SLC7A5: variants seen among roughly 807,000 people sequenced by gnomAD.
SLC7A5 encodes solute carrier family 7 member 5.
Under a neutral mutation model 50.2 loss-of-function variants are expected in SLC7A5, and 23 were observed. That is an observed-to-expected ratio of 0.46 (90% CI 0.33 to 0.65). The LOEUF (loss-of-function observed/expected upper bound fraction) is 0.65, where lower values mean the gene tolerates loss of function less well. SLC7A5 is among the 30% of genes least tolerant of loss of function. SLC7A5 has a pLI of 0.02. For synonymous variants in SLC7A5, 393 were observed against 330.6 expected, an observed-to-expected ratio of 1.19 and a Z score of -2.05; for missense variants, 578 against 684.4, an observed-to-expected ratio of 0.84 and a Z score of 1.73.
At chr16:87,848,473 C>A (rs555003003) in intron 2 of SLC7A5, among the ~76,000 whole-genome samples, 1 of 152,326 alleles carries the variant, frequency 6.6e-6, no homozygotes, top group East Asian at 1.9e-4. Context: ...CAGATCTGAA[C>A]CCTCATGAGT....
At chr16:87,864,511 C>A (rs1157066319) in intron 1 of SLC7A5, among the ~76,000 whole-genome samples, 2 of 152,164 alleles carry the variant, frequency 1.3e-5, no homozygotes, top group Non-Finnish European at 2.9e-5. Flanking sequence ...ATCCACTGCC[C>A]TTCTCCGAGC....
Position 87,852,270 on chromosome 16 carries a change from C to T in SLC7A5, c.539-421G>A, listed in dbSNP as rs985513381. 2.6e-5 allele frequency among the ~76,000 whole-genome samples: 4 copies of T among 152,190 alleles called. No homozygotes were observed. Among genetic ancestry groups the T allele is most frequent in the Admixed American group, 6.5e-5 (1 of 15,284 alleles). On this transcript the variant is annotated intron_variant, in intron 1 of 9. Transcript: ENST00000261622. This position sits in a 1 kb window ranked among gnomAD's most constrained non-coding sequence, Gnocchi z 4.5. Reference sequence around the variant, plus strand: ...CACCCTGACCTGACTGTGAGACCCACGCACAGCCCGACTGCCGGACTCCAT... The same window carrying T: ...CACCCTGACCTGACTGTGAGACCCATGCACAGCCCGACTGCCGGACTCCAT...
chr16:87,836,943 C>T, intron 7 of SLC7A5: 1 of 463,596 alleles, frequency 2.2e-6, no homozygotes, highest in Non-Finnish European at 4.0e-6. Flanking sequence ...AGGTGAAGAA[C>T]ACAGTGTACA....
In SLC7A5 at chr16:87,860,335, A is replaced by T. The variant is rs1458123552; in HGVS notation, c.539-8486T>A. On this transcript the variant is annotated intron_variant, in intron 1 of 9. Coordinates refer to ENST00000261622, the MANE Select transcript of SLC7A5 (RefSeq NM_003486.7). The surrounding 1 kb of genome is among the most constrained non-coding windows in gnomAD (Gnocchi z 4.8). ...GTAACAAAAGCATCTCAAAAAAAAA[A>T]AAAAATACACACACACACACACACA... 7.6e-3 allele frequency among the ~76,000 whole-genome samples: 788 copies of T among 103,110 alleles called. 12 individuals carry two copies. Among genetic ancestry groups the T allele is most frequent in the Admixed American group, 0.011 (110 of 9,834 alleles). The allele number at this position is 103,110 out of a possible 152,430, so 67.6% of individuals were successfully genotyped here. A position where few individuals can be genotyped will look rare whatever the true frequency, so the allele number is the denominator to read the frequency against.
At chr16:87,856,851 G>A (rs1421243457) in intron 1 of SLC7A5, among the ~76,000 whole-genome samples, 2 of 152,166 alleles carry the variant, frequency 1.3e-5, no homozygotes, top group Non-Finnish European at 2.9e-5. Context: ...GCAGTGGTGG[G>A]GGAGGCGGAT....
chr16:87,867,568 C>T (rs2055479142), intron 1 of SLC7A5, among the ~76,000 whole-genome samples: 2 of 152,144 alleles, frequency 1.3e-5, no homozygotes, highest in South Asian at 4.1e-4. Context: ...CCCCCTCCCC[C>T]CCAAAGTACG....
chr16:87,843,894 C>G (rs1216456959), intron 2 of SLC7A5, among the ~76,000 whole-genome samples: 1 of 152,202 alleles, frequency 6.6e-6, no homozygotes, highest in Non-Finnish European at 1.5e-5. Context: ...CAGCTCCTCT[C>G]AGCTTTCTCT....
chr16:87,835,754 G>T (rs748096331), intron 8 of SLC7A5, among the ~76,000 whole-genome samples: 3 of 152,216 alleles, frequency 2.0e-5, no homozygotes, highest in Non-Finnish European at 4.4e-5. Context: ...GATTACAGGC[G>T]TGAGCCACCG....
intron 2 of SLC7A5, among the ~76,000 whole-genome samples, chr16:87,851,422 A>T (rs561343669): frequency 6.6e-6 from 1 of 152,312 alleles, no homozygotes; most frequent in East Asian, 1.9e-4. Context: ...CATCGCCCCC[A>T]GGTGAGGTTA....
chr16:87,852,634 G>A lies in SLC7A5; in HGVS notation c.539-785C>T, dbSNP rs2055246475. 6.9e-6 allele frequency among the ~76,000 whole-genome samples: 1 copy of A among 145,268 alleles called. No homozygotes were observed. The highest frequency in any genetic ancestry group is 2.6e-5 in the African/African-American group (1 of 37,852). ...GGCCCTGTAAGGCACCCAGCTCTGAGCCTCTGTGTGTGTGTGTGTGTGTGT... is the reference window on the plus strand; with the variant it reads ...GGCCCTGTAAGGCACCCAGCTCTGAACCTCTGTGTGTGTGTGTGTGTGTGT... On this transcript the variant is annotated intron_variant, in intron 1 of 9. Transcript: ENST00000261622. The surrounding 1 kb of genome is among the most constrained non-coding windows in gnomAD (Gnocchi z 4.5).
At chr16:87,866,497 G>A (rs1411713063) in intron 1 of SLC7A5, among the ~76,000 whole-genome samples, 2 of 151,854 alleles carry the variant, frequency 1.3e-5, no homozygotes, top group South Asian at 2.1e-4. Context: ...ATGGAGTTTC[G>A]CCTTGTTGCC....
Position 87,857,502 on chromosome 16 carries a change from C to G in SLC7A5, c.539-5653G>C, listed in dbSNP as rs184660249. Among the ~76,000 whole-genome samples the G allele has an allele frequency of 1.6e-3, 242 of 152,362 alleles. 1 individual carries two copies. Among genetic ancestry groups the G allele is most frequent in the East Asian group, 5.8e-4 (3 of 5,190 alleles). Reference sequence around the variant, plus strand: ...TTCACCATGTTGGCCGGGCTGGTCTCGAACTCCTGACCTCAGGCGATCCGC... The same window carrying G: ...TTCACCATGTTGGCCGGGCTGGTCTGGAACTCCTGACCTCAGGCGATCCGC... On this transcript the variant is annotated intron_variant, in intron 1 of 9. Transcript: ENST00000261622.
chr16:87,840,039 G>A (rs189766470), intron 4 of SLC7A5, among the ~76,000 whole-genome samples: 8 of 152,348 alleles, frequency 5.3e-5, no homozygotes, highest in Non-Finnish European at 1.2e-4. Flanking sequence ...TGCCTTGGCC[G>A]CGGCCTCAGC....
chr16:87,840,257 G>A (rs1176503536), intron 4 of SLC7A5, among the ~76,000 whole-genome samples, 172 bp downstream of exon 4: 1 of 152,220 alleles, frequency 6.6e-6, no homozygotes, highest in African/African-American at 2.4e-5. Flanking sequence ...CGTGCTCAAG[G>A]ACACACGGCC....
At chr16:87,838,969 G>A in intron 5 of SLC7A5, 152 bp from the exon 6 acceptor site, 1 of 700,562 alleles carries the variant, frequency 1.4e-6, no homozygotes, top group South Asian at 1.5e-5. Context: ...TCTGGCCTCT[G>A]GGGGGACTTC....
Position 87,832,896 on chromosome 16 carries a change from G to A in SLC7A5, c.*74C>T, listed in dbSNP as rs1295239839. On this transcript the variant is annotated 3_prime_UTR_variant, in exon 10 of 10. Transcript: ENST00000261622. This position sits in a 1 kb window ranked among gnomAD's most constrained non-coding sequence, Gnocchi z 4.6. ...CTGAGCTGTGGGTTGCGGGGAACCGGAGTGGGTTCGAGGAGGTGATCTACT... is the reference window on the plus strand; with the variant it reads ...CTGAGCTGTGGGTTGCGGGGAACCGAAGTGGGTTCGAGGAGGTGATCTACT... The A allele has an allele frequency of 2.5e-6, 3 of 1,224,092 alleles. No individual in the cohort carries two copies. The highest frequency in any genetic ancestry group is 1.7e-5 in the Admixed American group (1 of 59,358). The allele number at this position is 1,224,092 out of a possible 1,614,324, so 75.8% of individuals were successfully genotyped here.
intron 2 of SLC7A5, among the ~76,000 whole-genome samples, chr16:87,846,169 G>C (rs1187505352): frequency 3.3e-5 from 5 of 152,192 alleles, no homozygotes; most frequent in African/African-American, 1.2e-4. Flanking sequence ...AGCCACACTC[G>C]AGCCTGGCAC....
At chr16:87,867,969 T>C (rs2055484191) in intron 1 of SLC7A5, among the ~76,000 whole-genome samples, 1 of 151,354 alleles carries the variant, frequency 6.6e-6, no homozygotes, top group Non-Finnish European at 1.5e-5. Flanking sequence ...CAAAAAAAAT[T>C]ACCCGGGCGT....
chr16:87,848,638 C>T (rs2055182340), intron 2 of SLC7A5, among the ~76,000 whole-genome samples: 1 of 152,166 alleles, frequency 6.6e-6, no homozygotes, highest in African/African-American at 2.4e-5. Context: ...TGCAGAGTCG[C>T]CCCTGTCACT....
Sources: gnomAD v4.1 joint callset for allele counts (sites outside exome capture counted in the v4.1 genomes callset) on GRCh38, gnomAD v4.1.1 for gene constraint, Gnocchi (gnomAD v3.1) non-coding constraint, MANE v1.5 for transcripts, NCBI Gene and HGNC (gene_info 2026-07-23, HGNC 2026-07-21) for gene names.